DAB1: variants seen among roughly 807,000 people sequenced by gnomAD.
The protein encoded by DAB1 is DAB adaptor protein 1.
DAB1 carries 15 observed loss-of-function variants against 64.6 expected under a neutral mutation model. That is an observed-to-expected ratio of 0.23 (90% CI 0.16 to 0.36). DAB1 has a LOEUF of 0.36. Ranked by LOEUF, DAB1 falls within the 10% of genes least tolerant of loss-of-function variation. The pLI is 1.00. For missense variants in DAB1, 596 were observed against 706.7 expected, an observed-to-expected ratio of 0.84 and a Z score of 1.78; for synonymous variants, 235 against 251.9, an observed-to-expected ratio of 0.93 and a Z score of 0.64.
intron 4 of DAB1, among the ~76,000 whole-genome samples, chr1:58,336,191 G>A (rs1035264616): frequency 6.6e-6 from 1 of 152,202 alleles, no homozygotes; most frequent in Non-Finnish European, 1.5e-5. Flanking sequence ...TGTACCAGAA[G>A]GAAGAATAAG....
At chr1:58,143,639 A>G (rs150827893) in intron 5 of DAB1, among the ~76,000 whole-genome samples, 204 of 152,330 alleles carry the variant, frequency 1.3e-3, no homozygotes, top group African/African-American at 4.7e-3. Context: ...TATGGATTCA[A>G]TATAAAGCAG....
intron 3 of DAB1, among the ~76,000 whole-genome samples, chr1:58,444,459 A>G (rs917264189): frequency 2.6e-5 from 4 of 152,162 alleles, no homozygotes; most frequent in African/African-American, 9.7e-5. Context: ...AGGTGGCCTG[A>G]CTCCGGATTT....
At chr1:57,169,493 G>A (rs1310692996) in intron 2 of DAB1, among the ~76,000 whole-genome samples, 2 of 152,270 alleles carry the variant, frequency 1.3e-5, no homozygotes, top group African/African-American at 4.8e-5. Context: ...CCCAAGAAAT[G>A]TCCTTTTTAA....
At chr1:58,439,125 T>A (rs1434348827) in intron 3 of DAB1, among the ~76,000 whole-genome samples, 1 of 116,152 alleles carries the variant, frequency 8.6e-6, no homozygotes, top group East Asian at 2.9e-4. Context: ...CACCAAACTT[T>A]TCAATATTTC....
At position 58,344,203 on chromosome 1, in the gene DAB1, T is replaced by C. The variant is rs924501839; in HGVS notation, n.258-800A>G. 2.0e-5 allele frequency among the ~76,000 whole-genome samples: 3 copies of C among 152,286 alleles called. No individual in the cohort carries two copies. In the East Asian group the frequency reaches 5.8e-4, roughly 29 times the overall value. On this transcript the variant is annotated intron_variant and non_coding_transcript_variant, in intron 3 of 20. Transcript: ENST00000485760. Reference sequence around the variant, plus strand: ...AGCTGCTCAGCTCAGAAGGTTGTTGTTGAGGATTGCACTAATTAATGTTAT... The same window carrying C: ...AGCTGCTCAGCTCAGAAGGTTGTTGCTGAGGATTGCACTAATTAATGTTAT...
rs192135233 is a variant in DAB1 at position 57,014,707 on chromosome 1, T to A, written c.1444+176A>T. Reference sequence around the variant, plus strand: ...ACATGGAACATATGAAGAAGGTTTGTATGTTATCAGTGGTATCTAAATTGG... The same window carrying A: ...ACATGGAACATATGAAGAAGGTTTGAATGTTATCAGTGGTATCTAAATTGG... On this transcript the variant is annotated intron_variant, in intron 12 of 14. Transcript: ENST00000371236. 2.6e-5 allele frequency among the ~76,000 whole-genome samples: 4 copies of A among 152,348 alleles called. No homozygotes were observed. In the East Asian group the frequency reaches 7.7e-4, roughly 29 times the overall value.
Position 57,022,089 on chromosome 1 carries a change from G to T in DAB1, c.895+1442C>A, listed in dbSNP as rs566603730. Among the ~76,000 whole-genome samples the T allele has an allele frequency of 3.5e-4, 54 of 152,244 alleles. 1 individual carries two copies. The highest frequency in any genetic ancestry group is 3.3e-3 in the Admixed American group (50 of 15,288). On this transcript the variant is annotated intron_variant, in intron 11 of 14. Transcript: ENST00000371236. ...GTAAAAGGTAGGCTCTCTGTCTGTT[G>T]TGTGGACTAGCACATCCCAAGCACC...
intron 4 of DAB1, among the ~76,000 whole-genome samples, chr1:57,096,751 A>C (rs1654204248): frequency 6.6e-6 from 1 of 152,130 alleles, no homozygotes; most frequent in Non-Finnish European, 1.5e-5. Flanking sequence ...GTCCTTATTT[A>C]TTGTCTTGCC....
chr1:57,774,239 T>C (rs1404294431), intron 6 of DAB1, among the ~76,000 whole-genome samples: 1 of 151,884 alleles, frequency 6.6e-6, no homozygotes, highest in Non-Finnish European at 1.5e-5. Context: ...TATGGTATTT[T>C]AAGAAATTAT....
intron 3 of DAB1, among the ~76,000 whole-genome samples, chr1:58,369,732 T>C (rs950756541): frequency 6.6e-6 from 1 of 152,254 alleles, no homozygotes; most frequent in Non-Finnish European, 1.5e-5. Flanking sequence ...ACCTAAAGAT[T>C]TGATCTCAAA....
chr1:58,169,484 C>G (rs1656044572), intron 4 of DAB1, among the ~76,000 whole-genome samples: 1 of 152,106 alleles, frequency 6.6e-6, no homozygotes, highest in Non-Finnish European at 1.5e-5. Context: ...CCTGCAAACT[C>G]TGAAAGAGAG....
chr1:58,002,810 GA>G (rs1646527104), intron 5 of DAB1, among the ~76,000 whole-genome samples: 1 of 152,158 alleles, frequency 6.6e-6, no homozygotes, highest in Non-Finnish European at 1.5e-5. Context: ...CAAGCAGTTT[GA>G]ATCCAGGCAG....
chr1:57,136,695 C>A, intron 3 of DAB1, 54 bp from the exon 4 acceptor site: 1 of 1,275,202 alleles, frequency 7.8e-7, no homozygotes, highest in Non-Finnish European at 1.1e-6. Context: ...TGAAAATTCT[C>A]TCTGGTCCCA....
chr1:57,880,909 C>G (rs927840547), intron 1 of DAB1: 2 of 152,170 alleles, frequency 1.3e-5, no homozygotes, highest in African/African-American at 4.8e-5. Flanking sequence ...ATAAAAACCT[C>G]TATTTTACTT....
At chr1:58,026,631 G>T (rs1274272398) in intron 5 of DAB1, among the ~76,000 whole-genome samples, 3 of 152,208 alleles carry the variant, frequency 2.0e-5, no homozygotes, top group African/African-American at 7.2e-5. Context: ...AAAAGTGGAA[G>T]AATCCTCAAG....
intron 5 of DAB1, among the ~76,000 whole-genome samples, chr1:57,917,520 ATGT>A (rs1644745290): frequency 6.6e-6 from 1 of 152,192 alleles, no homozygotes; most frequent in African/African-American, 2.4e-5. Flanking sequence ...CTCGAACAGT[ATGT>A]TGTACTAATA....
intron 2 of DAB1, among the ~76,000 whole-genome samples, chr1:57,233,489 G>A (rs770870267): frequency 2.0e-5 from 3 of 151,848 alleles, no homozygotes; most frequent in East Asian, 3.9e-4. Flanking sequence ...GGCCAGGTGC[G>A]GTGGCTCACA....
intron 5 of DAB1, among the ~76,000 whole-genome samples, chr1:58,122,658 CT>C (rs1261615792): frequency 2.0e-5 from 3 of 152,126 alleles, no homozygotes; most frequent in Non-Finnish European, 4.4e-5. Context: ...GGCTGACCAC[CT>C]TGTGTCCAAG....
chr1:57,744,464 A>T (rs1329883307), intron 6 of DAB1, among the ~76,000 whole-genome samples: 1 of 151,846 alleles, frequency 6.6e-6, no homozygotes, highest in African/African-American at 2.4e-5. Flanking sequence ...CTCAACAATG[A>T]CTTTGTTATT....
Sources: gnomAD v4.1 joint callset for allele counts (sites outside exome capture counted in the v4.1 genomes callset) on GRCh38, gnomAD v4.1.1 for gene constraint, MANE v1.5 for transcripts, NCBI Gene and HGNC (gene_info 2026-07-23, HGNC 2026-07-21) for gene names.